The following DNM1 variants were observed in gnomAD, a reference collection of about 807,000 sequenced individuals.
DNM1 encodes the protein dynamin 1.
In DNM1, 29 loss-of-function variants were observed where a neutral mutation model predicts 104.6. That is an observed-to-expected ratio of 0.28 (90% confidence interval 0.21 to 0.38). The LOEUF (loss-of-function observed/expected upper bound fraction) is 0.38. DNM1 is among the 10% of genes least tolerant of loss of function. DNM1 has a pLI of 1.00. For missense variants in DNM1, 640 were observed against 1,189.4 expected (o/e 0.54, Z 6.79); for synonymous variants, 445 against 475.8 (o/e 0.94, Z 0.84).
chr9:128,210,288 C>T (rs1034355357), intron 1 of DNM1, among the ~76,000 whole-genome samples: 2 of 151,766 alleles, frequency 1.3e-5, no homozygotes, highest in African/African-American at 4.8e-5. Context: ...CTCCTGGACT[C>T]AAGTGATCCT....
At position 128,218,348 on chromosome 9, in the gene DNM1, C is replaced by G. The variant is rs1247166321; in HGVS notation, c.235+44C>G. 6.2e-7 allele frequency: 1 copy of G among 1,602,788 alleles called. No homozygotes were observed. The highest frequency in any genetic ancestry group is 1.7e-5 in the Admixed American group (1 of 60,014). On this transcript the variant is annotated intron_variant, in intron 2 of 21. Coordinates refer to ENST00000372923, the MANE Select transcript of DNM1 (RefSeq NM_004408.4). The surrounding 1 kb of genome is among the most constrained non-coding windows in gnomAD (Gnocchi z 4.8). ...CAGCAGCCAGGCCTGCCCACTCCAG[C>G]CTCTCCCCCGTCCCCAAGCTGAGGG... is the stretch of plus-strand genomic sequence containing the variant.
Position 128,248,651 on chromosome 9 carries a change from A to G in DNM1, c.1974A>G (p.Gln658=). The G allele has an allele frequency of 6.2e-7, 1 of 1,614,076 alleles. No individual in the cohort carries two copies. The change falls in exon 19 of 22, where the codon CAA becomes CAG. Residue 658 remains glutamine, a synonymous_variant. Transcript: ENST00000372923. The surrounding 1 kb of genome is among the most constrained non-coding windows in gnomAD (Gnocchi z 5.6). ...MHSMDPQLER[Q]VETIRNLVDS... is the part of the protein sequence containing the mutation. ...CCATGGACCCACAGCTGGAACGGCA[A>G]GTGGAGACCATCCGGAATCTTGTGG...
intron 1 of DNM1, chr9:128,204,486 G>T (rs1429639072): frequency 6.6e-6 from 1 of 152,366 alleles, no homozygotes; most frequent in Admixed American, 6.5e-5. Context: ...ATCCCACAAG[G>T]CGCTGAGAGG....
At position 128,253,908 on chromosome 9, in the gene DNM1, C is replaced by G; in HGVS notation, c.2535-746C>G. ...CCTAGGGTCACTTGTGCCATTCAGC[C>G]AAGGGGACGACCGTGCCTGCTGGCC... On this transcript the variant is annotated intron_variant, in intron 21 of 21. Coordinates refer to ENST00000372923, the MANE Select transcript of DNM1 (RefSeq NM_004408.4). The surrounding 1 kb of genome is among the most constrained non-coding windows in gnomAD (Gnocchi z 5.9). 1 of 1,231,530 alleles carries G rather than the reference C, an allele frequency of 8.1e-7. No homozygotes were observed. Among genetic ancestry groups the G allele is most frequent in the Non-Finnish European group, 1.0e-6 (1 of 987,820 alleles). The allele number at this position is 1,231,530 out of a possible 1,614,324, so 76.3% of individuals were successfully genotyped here. A position where few individuals can be genotyped will look rare whatever the true frequency, so the allele number is the denominator to read the frequency against.
chr9:128,250,494 G>T, intron 20 of DNM1, 138 bp downstream of exon 20: 2 of 1,111,752 alleles, frequency 1.8e-6, no homozygotes, highest in Non-Finnish European at 2.5e-6. Context: ...AGAGAGGGCG[G>T]GGCTTGTCGC....
chr9:128,218,920 C>G lies in DNM1; in HGVS notation c.386-129C>G. On this transcript the variant is annotated intron_variant, in intron 3 of 21. Transcript: ENST00000372923. This position sits in a 1 kb window ranked among gnomAD's most constrained non-coding sequence, Gnocchi z 4.8. ...CCTCCAACAGACTGCCACTTTCGCC[C>G]TGAGATTTCCTAGTCCCACCCACCT... The G allele has an allele frequency of 7.7e-7, 1 of 1,302,060 alleles. No individual in the cohort carries two copies. Among genetic ancestry groups the G allele is most frequent in the Non-Finnish European group, 1.1e-6 (1 of 951,116 alleles). The allele number at this position is 1,302,060 out of a possible 1,614,324, so 80.7% of individuals were successfully genotyped here. A position where few individuals can be genotyped will look rare whatever the true frequency, so the allele number is the denominator to read the frequency against.
intron 10 of DNM1, among the ~76,000 whole-genome samples, chr9:128,227,677 C>T (rs1367909715): frequency 1.3e-5 from 2 of 152,074 alleles, no homozygotes; most frequent in Non-Finnish European, 2.9e-5. Context: ...CCACCACGCT[C>T]AGCCAGTCTC....
Position 128,220,041 on chromosome 9 carries a change from G to T in DNM1, c.643G>T (p.Asp215Tyr). ...TKLDLMDEGT[D>Y]ARDVLENKLL... ...GCTGGACCTGATGGACGAGGGCACA[G>T]ATGCCCGTGATGTGCTGGAGAACAA... is the stretch of plus-strand genomic sequence containing the variant. Residue 215 changes from aspartate (D) to tyrosine (Y), a missense_variant, in exon 5 of 22, where the codon GAT becomes TAT. Asp to Tyr is a radical substitution (Grantham distance 160, BLOSUM62 -3). Coordinates refer to ENST00000372923, the MANE Select transcript of DNM1 (RefSeq NM_004408.4). The surrounding 1 kb of genome is among the most constrained non-coding windows in gnomAD (Gnocchi z 5.2). 1 of 1,608,422 alleles carries T rather than the reference G, an allele frequency of 6.2e-7. No individual in the cohort carries two copies.
chr9:128,250,842 G>A lies in DNM1; in HGVS notation c.2436G>A (p.Ala812=). 1 of 1,295,832 alleles carries A rather than the reference G, an allele frequency of 7.7e-7. No homozygotes were observed. Among genetic ancestry groups the A allele is most frequent in the Non-Finnish European group, 9.7e-7 (1 of 1,028,912 alleles). 80.3% of individuals were successfully genotyped at this position (1,295,832 alleles called of 1,614,324 possible). ...CTGCTGGGTCCGCCCTGGGGGGGGC[G>A]CCCCCCGTGCCCTCCAGGCCGGGGG... is the stretch of plus-strand genomic sequence containing the variant. The part of the protein sequence containing the change: ...PPPAGSALGG[A]PPVPSRPGAS... The change falls in exon 21 of 22, where the codon GCG becomes GCA. Residue 812 remains alanine, a synonymous_variant. Transcript: ENST00000372923.
intron 1 of DNM1, among the ~76,000 whole-genome samples, chr9:128,217,982 C>T (rs1319531932): frequency 6.6e-6 from 1 of 152,192 alleles, no homozygotes; most frequent in Non-Finnish European, 1.5e-5. Context: ...CAGGACGTAT[C>T]TAGGAGTTGA....
At chr9:128,221,562 G>A (rs949634013) in intron 6 of DNM1, among the ~76,000 whole-genome samples, 18 of 152,122 alleles carry the variant, frequency 1.2e-4, no homozygotes, top group Admixed American at 4.6e-4. Flanking sequence ...GGGTCCAAGG[G>A]GCAGCCCTCT....
At chr9:128,210,437 C>G (rs528349736) in intron 1 of DNM1, among the ~76,000 whole-genome samples, 3 of 151,848 alleles carry the variant, frequency 2.0e-5, no homozygotes, top group Non-Finnish European at 4.4e-5. Flanking sequence ...TCTCAGCTCA[C>G]TGCAACCTCC....
Position 128,247,309 on chromosome 9 carries a change from T to C in DNM1, c.1782-66T>C. On this transcript the variant is annotated intron_variant, in intron 16 of 21. Transcript: ENST00000372923. The surrounding 1 kb of genome is among the most constrained non-coding windows in gnomAD (Gnocchi z 5.1). ...GCATGTTGACCCCAAAGTCTGGGCA[T>C]GCCCTTAACCCCCAGGGAGGGTCAG... The C allele has an allele frequency of 8.7e-7, 1 of 1,143,770 alleles. No homozygotes were observed. Among genetic ancestry groups the C allele is most frequent in the Admixed American group, 2.0e-5 (1 of 49,900 alleles). 70.9% of individuals were successfully genotyped at this position (1,143,770 alleles called of 1,614,324 possible). A position where few individuals can be genotyped will look rare whatever the true frequency, so the allele number is the denominator to read the frequency against.
intron 1 of DNM1, among the ~76,000 whole-genome samples, chr9:128,209,814 G>A (rs888772390): frequency 7.2e-5 from 11 of 152,334 alleles, no homozygotes; most frequent in Non-Finnish European, 1.3e-4. Context: ...TGCTTGAGAG[G>A]GAATTCTGGG....
At chr9:128,232,082 A>G (rs764167833) in intron 10 of DNM1, 1 of 455,216 alleles carries the variant, frequency 2.2e-6, no homozygotes. Context: ...CTGCCCTGCC[A>G]TGGGTGACAC....
intron 16 of DNM1, chr9:128,246,918 C>T: frequency 4.0e-6 from 1 of 250,806 alleles, no homozygotes; most frequent in South Asian, 6.6e-5. Context: ...GTCCTCTTCT[C>T]CTGCTCTCTT....
At chr9:128,216,888 G>A (rs1588344325) in intron 1 of DNM1, among the ~76,000 whole-genome samples, 1 of 152,148 alleles carries the variant, frequency 6.6e-6, no homozygotes, top group East Asian at 1.9e-4. Flanking sequence ...TGTCTCAATG[G>A]TCCCTCGGGC....
rs1260842180 is a variant in DNM1 at position 128,226,053 on chromosome 9, T to C, written c.1335+1664T>C. On this transcript the variant is annotated intron_variant, in intron 10 of 21. Transcript: ENST00000372923. ...GGTGCAGGACGGGCCTCTTCACACC[T>C]GACCTCGCTTTTGAAGCCACAGTGA... The C allele has an allele frequency of 3.1e-6, 5 of 1,612,666 alleles. No homozygotes were observed. The Admixed American group carries it at 8.3e-5, about 27-fold the overall frequency.
intron 6 of DNM1, among the ~76,000 whole-genome samples, chr9:128,221,920 A>G (rs894228982): frequency 3.9e-5 from 6 of 152,198 alleles, no homozygotes; most frequent in Non-Finnish European, 7.3e-5. Context: ...AATAATAAAT[A>G]AAAATAAAAA....
Sources: allele counts gnomAD v4.1 joint callset (sites outside exome capture counted in the v4.1 genomes callset), GRCh38; gene constraint gnomAD v4.1.1; non-coding constraint Gnocchi (gnomAD v3.1); transcripts MANE v1.5; gene names NCBI Gene and HGNC (gene_info 2026-07-23, HGNC 2026-07-21).